CD4: variants seen among roughly 807,000 people sequenced by gnomAD.
CD4 encodes the protein T-cell surface glycoprotein CD4.
In CD4, 25 loss-of-function variants were observed where a neutral mutation model predicts 50.5. The ratio of observed to expected loss-of-function variants is 0.49; its 90% confidence interval spans 0.36 to 0.69. The LOEUF is 0.69. Among genes scored for constraint, CD4 ranks in the 30% least tolerant of loss-of-function variants. The pLI, the probability that CD4 is intolerant of heterozygous loss-of-function variation, is 0.00. For missense variants in CD4, 456 were observed against 548.5 expected, an observed-to-expected ratio of 0.83 and a Z score of 1.68; for synonymous variants, 207 against 221.9, an observed-to-expected ratio of 0.93 and a Z score of 0.60.
intron 3 of CD4, among the ~76,000 whole-genome samples, chr12:6,809,294 G>C (rs28917489): frequency 6.6e-6 from 1 of 152,040 alleles, no homozygotes; most frequent in African/African-American, 2.4e-5. Context: ...TGAGGATTTC[G>C]AGACCAGCCT....
In CD4 at chr12:6,792,891, G is replaced by T. The variant is rs545247261; in HGVS notation, c.-68+3229G>T. The stretch of plus-strand genomic sequence containing the variant: ...ACACAGACACAGGGAGCTGCAGGCT[G>T]GGGGCATAAGCTGGGGGCTGGGAAG... On this transcript the variant is annotated intron_variant, in intron 1 of 9. Transcript: ENST00000011653. The surrounding 1 kb of genome is among the most constrained non-coding windows in gnomAD (Gnocchi z 4.1). Among the ~76,000 whole-genome samples, 4 of 152,298 alleles carry T rather than the reference G, an allele frequency of 2.6e-5. No homozygotes were observed. The South Asian group carries it at 8.3e-4, about 32-fold the overall frequency.
rs1305282050 is a variant in CD4, at chr12:6,818,989, G to A, written c.1346+75G>A. On this transcript the variant is annotated intron_variant, in intron 9 of 9. Transcript: ENST00000011653. The surrounding 1 kb of genome is among the most constrained non-coding windows in gnomAD (Gnocchi z 5.0). ...GGAGTTAGAGAGGAGGGGGAGGAAGGGGAGCAAAGGGGGGCAGGAAGGGAG... is the reference window on the plus strand; with the variant it reads ...GGAGTTAGAGAGGAGGGGGAGGAAGAGGAGCAAAGGGGGGCAGGAAGGGAG... The A allele has an allele frequency of 9.4e-6, 7 of 748,554 alleles. No individual in the cohort carries two copies. The Admixed American group carries it at 1.0e-4, about 11-fold the overall frequency. 46.4% of individuals were successfully genotyped at this position (748,554 alleles called of 1,614,324 possible). A position where few individuals can be genotyped will look rare whatever the true frequency, so the allele number is the denominator to read the frequency against.
intron 1 of CD4, among the ~76,000 whole-genome samples, chr12:6,793,986 C>T (rs1417193949): frequency 6.6e-6 from 1 of 151,356 alleles, no homozygotes; most frequent in South Asian, 2.1e-4. Context: ...ATCTATCTAT[C>T]TATCTATCTA....
intron 3 of CD4, among the ~76,000 whole-genome samples, chr12:6,809,298 C>G (rs1365555040): frequency 6.6e-6 from 1 of 152,098 alleles, no homozygotes; most frequent in South Asian, 2.1e-4. Context: ...GATTTCGAGA[C>G]CAGCCTGGGC....
At position 6,792,617 on chromosome 12, in the gene CD4, C is replaced by A. The variant is rs1009141729; in HGVS notation, c.-68+2955C>A. ...CCCTTTGTCCATGTGTCCCTCCCACCCTGCAGCCGGCTCCCTCACATCCAC... is the reference window on the plus strand; with the variant it reads ...CCCTTTGTCCATGTGTCCCTCCCACACTGCAGCCGGCTCCCTCACATCCAC... On this transcript the variant is annotated intron_variant, in intron 1 of 9. Coordinates refer to ENST00000011653, the MANE Select transcript of CD4 (RefSeq NM_000616.5). The surrounding 1 kb of genome is among the most constrained non-coding windows in gnomAD (Gnocchi z 4.1). Among the ~76,000 whole-genome samples the A allele has an allele frequency of 6.6e-6, 1 of 152,152 alleles. No homozygotes were observed. The highest frequency in any genetic ancestry group is 2.4e-5 in the African/African-American group (1 of 41,436).
At chr12:6,802,065 G>A (rs2137867934) in intron 3 of CD4, among the ~76,000 whole-genome samples, 1 of 148,074 alleles carries the variant, frequency 6.8e-6, no homozygotes, top group Non-Finnish European at 1.5e-5. Flanking sequence ...GTAGAGACCG[G>A]TTTTCATCAT....
Position 6,793,552 on chromosome 12 carries a change from A to G in CD4, c.-68+3890A>G, listed in dbSNP as rs775379299. 3.3e-5 allele frequency among the ~76,000 whole-genome samples: 5 copies of G among 151,910 alleles called. No homozygotes were observed. In the South Asian group the frequency reaches 1.0e-3, roughly 32 times the overall value. ...GCTAACCTGTAAACACTTCACCATC[A>G]CTGGTGGCTAGTCTCCCTTCCTCCT... On this transcript the variant is annotated intron_variant, in intron 1 of 9. Transcript: ENST00000011653.
intron 1 of CD4, among the ~76,000 whole-genome samples, chr12:6,793,062 T>C (rs890646663): frequency 5.3e-5 from 8 of 152,054 alleles, no homozygotes; most frequent in Non-Finnish European, 4.4e-5. Context: ...GATGCTACCG[T>C]ACTAGGGTAA....
At chr12:6,813,974 T>A (rs1379304712) in intron 3 of CD4, 168 bp from the exon 4 acceptor site, 2 of 615,250 alleles carry the variant, frequency 3.3e-6, no homozygotes, top group Non-Finnish European at 5.8e-6. Context: ...GCCAGGTAAA[T>A]GGATATGATG....
chr12:6,795,589 T>G (rs1028367846), intron 1 of CD4, among the ~76,000 whole-genome samples: 3 of 152,160 alleles, frequency 2.0e-5, no homozygotes, highest in African/African-American at 7.2e-5. Flanking sequence ...ATCAATCAAT[T>G]TGAAGCACAG....
At chr12:6,804,190 A>ATT (rs1942658052) in intron 3 of CD4, among the ~76,000 whole-genome samples, 1 of 151,124 alleles carries the variant, frequency 6.6e-6, no homozygotes, top group African/African-American at 2.4e-5. Context: ...ACACACACAC[A>ATT]CAATGCAAAA....
Position 6,819,371 on chromosome 12 carries a change from G to C in CD4, c.*42G>C. The C allele has an allele frequency of 6.2e-7, 1 of 1,603,038 alleles. No homozygotes were observed. Among genetic ancestry groups the C allele is most frequent in the Admixed American group, 1.7e-5 (1 of 59,998 alleles). ...GATCCCACTTGCAGCCTCCCCAGGT[G>C]TCTGCCCCGCGTTTCCTGCCTGCGG... is the stretch of plus-strand genomic sequence containing the variant. On this transcript the variant is annotated 3_prime_UTR_variant, in exon 10 of 10. Transcript: ENST00000011653.
intron 3 of CD4, among the ~76,000 whole-genome samples, chr12:6,804,324 C>T (rs1047961106): frequency 8.1e-6 from 1 of 123,872 alleles, no homozygotes; most frequent in Non-Finnish European, 1.6e-5. Context: ...TACTGCAATC[C>T]CTTGCCAGTG....
intron 1 of CD4, among the ~76,000 whole-genome samples, chr12:6,794,775 G>GT (rs763211966): frequency 0.016 from 1,787 of 112,452 alleles, 63 homozygotes; most frequent in Non-Finnish European, 0.024. Context: ...CTGTATGTCT[G>GT]TTTTTTTTTT....
At chr12:6,791,429 G>A (rs535667004) in intron 1 of CD4, among the ~76,000 whole-genome samples, 33 of 152,250 alleles carry the variant, frequency 2.2e-4, no homozygotes, top group Admixed American at 1.9e-3. Context: ...TTTTAGTAGA[G>A]ACCAGGTTTC....
chr12:6,809,422 C>A (rs1283119252), intron 3 of CD4, among the ~76,000 whole-genome samples: 4 of 151,756 alleles, frequency 2.6e-5, no homozygotes, highest in South Asian at 2.1e-4. Context: ...CTTGAGCCCA[C>A]GAGGTAGATG....
In CD4 at chr12:6,818,939, A is replaced by T; in HGVS notation, c.1346+25A>T. The T allele has an allele frequency of 9.6e-7, 1 of 1,046,096 alleles. No individual in the cohort carries two copies. Among genetic ancestry groups the T allele is most frequent in the Non-Finnish European group, 1.5e-6 (1 of 686,910 alleles). 64.8% of individuals were successfully genotyped at this position (1,046,096 alleles called of 1,614,324 possible). ...AGTAAGGATCTGGGAGGAGGGGTTG[A>T]GAGAGGGGAAAGGGGGAGGGGGAGG... is the stretch of plus-strand genomic sequence containing the variant. On this transcript the variant is annotated intron_variant, in intron 9 of 9. Transcript: ENST00000011653. This position sits in a 1 kb window ranked among gnomAD's most constrained non-coding sequence, Gnocchi z 5.0.
At chr12:6,809,483 G>A (rs1193757604) in intron 3 of CD4, among the ~76,000 whole-genome samples, 1 of 150,772 alleles carries the variant, frequency 6.6e-6, no homozygotes, top group Non-Finnish European at 1.5e-5. Context: ...GTGACAGAGT[G>A]AGACCCTGTC....
At chr12:6,809,935 G>A (rs1465875461) in intron 3 of CD4, among the ~76,000 whole-genome samples, 1 of 139,424 alleles carries the variant, frequency 7.2e-6, no homozygotes, top group East Asian at 2.2e-4. Flanking sequence ...TCTCATCCAG[G>A]CTGGAGTGCA....
Sources: allele counts gnomAD v4.1 joint callset (sites outside exome capture counted in the v4.1 genomes callset), GRCh38; gene constraint gnomAD v4.1.1; non-coding constraint Gnocchi (gnomAD v3.1); transcripts MANE v1.5; gene names NCBI Gene and HGNC (gene_info 2026-07-23, HGNC 2026-07-21).